Variants in SLC35F1 observed in about 807,000 individuals in gnomAD.
SLC35F1 encodes chromosome 6 open reading frame 169.
Under a neutral mutation model 48.7 loss-of-function variants are expected in SLC35F1, and 14 were observed. That is an observed-to-expected ratio of 0.29 (90% CI 0.19 to 0.45). SLC35F1 has a LOEUF of 0.45. SLC35F1 is among the 20% of genes least tolerant of loss of function. The probability of loss-of-function intolerance (pLI) is 1.00; values close to 1 mark genes in which losing one functional copy is unlikely to be tolerated. For synonymous variants in SLC35F1, 190 were observed against 202.2 expected (o/e 0.94, Z 0.51); for missense variants, 404 against 500.0 (o/e 0.81, Z 1.83).
intron 1 of SLC35F1, among the ~76,000 whole-genome samples, chr6:118,103,954 G>A (rs1232398766): frequency 6.6e-6 from 1 of 152,144 alleles, no homozygotes; most frequent in Non-Finnish European, 1.5e-5. Flanking sequence ...ATGGCTTCTA[G>A]TAAACTTACA....
intron 1 of SLC35F1, among the ~76,000 whole-genome samples, chr6:117,973,403 GTATT>G (rs1205613503): frequency 6.6e-6 from 1 of 152,076 alleles, no homozygotes; most frequent in Non-Finnish European, 1.5e-5. Context: ...ACTGATTTAT[GTATT>G]TATTTACTCA....
At chr6:118,167,882 A>T (rs915982602) in intron 2 of SLC35F1, among the ~76,000 whole-genome samples, 1 of 152,210 alleles carries the variant, frequency 6.6e-6, no homozygotes, top group Non-Finnish European at 1.5e-5. Context: ...TGACCAAAAC[A>T]TCGTTATACA....
At chr6:118,115,548 T>C (rs914213574) in intron 1 of SLC35F1, among the ~76,000 whole-genome samples, 2 of 152,214 alleles carry the variant, frequency 1.3e-5, no homozygotes, top group Non-Finnish European at 2.9e-5. Flanking sequence ...AGTCTCAGTG[T>C]TTTACAGCCA....
At chr6:117,977,205 T>C (rs985977793) in intron 1 of SLC35F1, among the ~76,000 whole-genome samples, 6 of 151,282 alleles carry the variant, frequency 4.0e-5, no homozygotes, top group Non-Finnish European at 8.8e-5. Flanking sequence ...TTCTTTCTTT[T>C]TTTTTTTTTG....
chr6:118,238,004 A>G (rs1775387975), intron 3 of SLC35F1, among the ~76,000 whole-genome samples: 1 of 152,174 alleles, frequency 6.6e-6, no homozygotes, highest in Non-Finnish European at 1.5e-5. Flanking sequence ...CTAGAAAAAA[A>G]CATTGTTTCT....
At chr6:118,070,055 G>C (rs1020433849) in intron 1 of SLC35F1, among the ~76,000 whole-genome samples, 4 of 139,536 alleles carry the variant, frequency 2.9e-5, no homozygotes, top group African/African-American at 1.1e-4. Flanking sequence ...AGAATGGCGT[G>C]AACCCGGGAA....
At chr6:117,910,271 A>G (rs921124532) in intron 1 of SLC35F1, among the ~76,000 whole-genome samples, 8 of 152,200 alleles carry the variant, frequency 5.3e-5, no homozygotes, top group African/African-American at 1.4e-4. Context: ...GAGATTCTGC[A>G]GAGTGCTTGG....
chr6:118,089,026 C>G (rs1040229350), intron 1 of SLC35F1, among the ~76,000 whole-genome samples: 6 of 152,010 alleles, frequency 3.9e-5, no homozygotes, highest in Non-Finnish European at 8.8e-5. Flanking sequence ...AATCTTAAAC[C>G]ACATTTAAGA....
intron 2 of SLC35F1, among the ~76,000 whole-genome samples, chr6:118,170,537 T>G (rs1350372596): frequency 6.6e-6 from 1 of 152,196 alleles, no homozygotes; most frequent in Non-Finnish European, 1.5e-5. Flanking sequence ...CCTCCTGGGC[T>G]CAAGCCTTTC....
chr6:117,964,309 T>C (rs1057348678), intron 1 of SLC35F1, among the ~76,000 whole-genome samples: 1 of 152,234 alleles, frequency 6.6e-6, no homozygotes, highest in Non-Finnish European at 1.5e-5. Context: ...CCCTAACCTT[T>C]CTGGTTGCTT....
At chr6:118,239,543 A>C (rs12202670) in intron 3 of SLC35F1, among the ~76,000 whole-genome samples, 4,633 of 151,668 alleles carry the variant, frequency 0.031, 118 homozygotes, top group African/African-American at 0.067. Context: ...ATTGTTTCTT[A>C]AGTTCAGTGA....
chr6:118,305,804 T>A (rs1461462508), intron 7 of SLC35F1, among the ~76,000 whole-genome samples: 3 of 152,212 alleles, frequency 2.0e-5, no homozygotes. Flanking sequence ...TTTATGACAA[T>A]TACGGTCCTC....
chr6:118,231,958 G>T (rs1775297550), intron 2 of SLC35F1, among the ~76,000 whole-genome samples: 1 of 152,168 alleles, frequency 6.6e-6, no homozygotes. Flanking sequence ...AATTAATTTT[G>T]TCACACGTTG....
chr6:118,210,232 T>C (rs1310140828), intron 2 of SLC35F1, among the ~76,000 whole-genome samples: 2 of 152,218 alleles, frequency 1.3e-5, no homozygotes, highest in African/African-American at 4.8e-5. Context: ...TTAGACCTAA[T>C]TGTGATTATC....
intron 1 of SLC35F1, among the ~76,000 whole-genome samples, chr6:117,916,114 A>G (rs921554817): frequency 6.6e-6 from 1 of 152,224 alleles, no homozygotes; most frequent in Non-Finnish European, 1.5e-5. Flanking sequence ...ACCGTGGGCT[A>G]TGGATGCCTG....
chr6:118,116,993 G>T (rs1399499033), intron 1 of SLC35F1, among the ~76,000 whole-genome samples: 1 of 152,152 alleles, frequency 6.6e-6, no homozygotes, highest in African/African-American at 2.4e-5. Flanking sequence ...ATTTCACAAG[G>T]CAGCATATTC....
chr6:118,116,748 CAG>C, intron 1 of SLC35F1, among the ~76,000 whole-genome samples: 1 of 152,268 alleles, frequency 6.6e-6, no homozygotes, highest in South Asian at 2.1e-4. Context: ...CTCAAACAAG[CAG>C]TCTATGACCA....
At chr6:118,079,889 T>C (rs1772880829) in intron 1 of SLC35F1, among the ~76,000 whole-genome samples, 1 of 152,200 alleles carries the variant, frequency 6.6e-6, no homozygotes, top group African/African-American at 2.4e-5. Flanking sequence ...GGACTTTCTA[T>C]GTCTCCTTCT....
chr6:117,978,009 A>G (rs934987081), intron 1 of SLC35F1, among the ~76,000 whole-genome samples: 16 of 152,274 alleles, frequency 1.1e-4, no homozygotes, highest in Middle Eastern at 3.4e-3. Flanking sequence ...TTTTAGGAAG[A>G]TTGTGCTTCA....
Sources: gnomAD v4.1 joint callset for allele counts (sites outside exome capture counted in the v4.1 genomes callset) on GRCh38, gnomAD v4.1.1 for gene constraint, MANE v1.5 for transcripts, NCBI Gene and HGNC (gene_info 2026-07-23, HGNC 2026-07-21) for gene names.